Variants in GRID2 observed in about 807,000 individuals in gnomAD.
GRID2 encodes the protein glutamate ionotropic receptor delta type subunit 2, also known as glutamate receptor ionotropic, delta-2.
In GRID2, 33 loss-of-function variants were observed where a neutral mutation model predicts 114.8. That is an observed-to-expected ratio of 0.29 (90% confidence interval 0.22 to 0.38). The LOEUF is 0.38. GRID2 is among the 10% of genes least tolerant of loss of function. GRID2 has a pLI of 1.00. For synonymous variants in GRID2, 505 were observed against 449.9 expected (o/e 1.12, Z -1.55); for missense variants, 1,184 against 1,257.7 (o/e 0.94, Z 0.89).
At chr4:92,941,385 G>A (rs957748013) in intron 2 of GRID2, among the ~76,000 whole-genome samples, 2 of 152,104 alleles carry the variant, frequency 1.3e-5, no homozygotes, top group Non-Finnish European at 1.5e-5. Context: ...TCTGATGGTA[G>A]TCTGTATTTC....
chr4:92,392,474 G>A (rs1207692527), intron 1 of GRID2, among the ~76,000 whole-genome samples: 2 of 152,036 alleles, frequency 1.3e-5, no homozygotes, highest in Non-Finnish European at 1.5e-5. Flanking sequence ...GGGAGGCGGA[G>A]ATTGCAATGA....
chr4:93,204,473 A>G (rs1431847448), intron 4 of GRID2, among the ~76,000 whole-genome samples: 1 of 152,182 alleles, frequency 6.6e-6, no homozygotes, highest in African/African-American at 2.4e-5. Flanking sequence ...CTGCTAAAAT[A>G]TCTTAGATGT....
intron 2 of GRID2, among the ~76,000 whole-genome samples, chr4:92,870,624 A>G (rs17260828): frequency 0.1 from 15,329 of 152,214 alleles, 848 homozygotes; most frequent in Middle Eastern, 0.21. Flanking sequence ...GAATTATTTT[A>G]AAAAGCATTA....
At chr4:92,305,700 C>T (rs1164079697) in intron 1 of GRID2, among the ~76,000 whole-genome samples, 10 of 152,100 alleles carry the variant, frequency 6.6e-5, no homozygotes, top group Non-Finnish European at 1.3e-4. Context: ...CGAGCAGGGG[C>T]GGGCGGGGGG....
intron 1 of GRID2, among the ~76,000 whole-genome samples, chr4:92,505,602 G>A (rs1232881234): frequency 6.6e-6 from 1 of 151,920 alleles, no homozygotes; most frequent in African/African-American, 2.4e-5. Context: ...AAAACAGTAT[G>A]TTAGGGGAGT....
chr4:92,470,670 A>G (rs1721989662), intron 1 of GRID2, among the ~76,000 whole-genome samples: 1 of 152,020 alleles, frequency 6.6e-6, no homozygotes, highest in East Asian at 1.9e-4. Flanking sequence ...CAGGAAAAGG[A>G]GCTCTAAGCA....
intron 2 of GRID2, among the ~76,000 whole-genome samples, chr4:93,072,389 A>G (rs939323735): frequency 6.6e-6 from 1 of 152,162 alleles, no homozygotes; most frequent in Non-Finnish European, 1.5e-5. Flanking sequence ...AGTGTGAACT[A>G]CTGTATTTAT....
intron 2 of GRID2, among the ~76,000 whole-genome samples, chr4:92,907,759 C>G (rs1386011401): frequency 6.6e-6 from 1 of 151,934 alleles, no homozygotes; most frequent in Non-Finnish European, 1.5e-5. Context: ...CACGGTGGCT[C>G]ATACCTGTAA....
intron 1 of GRID2, among the ~76,000 whole-genome samples, chr4:92,313,606 C>T (rs974712717): frequency 1.3e-5 from 2 of 151,650 alleles, no homozygotes; most frequent in Non-Finnish European, 2.9e-5. Context: ...AGGAGAGCAG[C>T]GGATGCAGGA....
At chr4:92,584,349 C>T (rs147215349) in intron 1 of GRID2, among the ~76,000 whole-genome samples, 9 of 151,954 alleles carry the variant, frequency 5.9e-5, no homozygotes, top group Middle Eastern at 3.4e-3. Context: ...GTGCAACTAA[C>T]GTGTATGCAA....
chr4:93,614,842 A>G (rs1213359778), intron 13 of GRID2, among the ~76,000 whole-genome samples: 1 of 152,368 alleles, frequency 6.6e-6, no homozygotes, highest in African/African-American at 2.4e-5. Context: ...CTAATTTAAC[A>G]GATATTAACT....
At chr4:93,006,479 A>G (rs1279480937) in intron 2 of GRID2, among the ~76,000 whole-genome samples, 1 of 152,078 alleles carries the variant, frequency 6.6e-6, no homozygotes, top group Non-Finnish European at 1.5e-5. Flanking sequence ...TAAATATAAC[A>G]GTCTTGGGAA....
chr4:93,181,377 G>A (rs1308740077), intron 4 of GRID2, among the ~76,000 whole-genome samples: 4 of 152,126 alleles, frequency 2.6e-5, no homozygotes, highest in African/African-American at 9.7e-5. Context: ...AGTGCAGGTA[G>A]AATACATTTA....
chr4:92,378,194 G>A (rs371632619), intron 1 of GRID2, among the ~76,000 whole-genome samples: 1 of 151,520 alleles, frequency 6.6e-6, no homozygotes, highest in Non-Finnish European at 1.5e-5. Context: ...AAATTTAAGG[G>A]GATTTTAAGT....
chr4:93,322,038 CTTTT>C (rs1292434685), intron 8 of GRID2, among the ~76,000 whole-genome samples: 1 of 149,686 alleles, frequency 6.7e-6, no homozygotes, highest in African/African-American at 2.5e-5. Flanking sequence ...TTTCTTATTT[CTTTT>C]TTTTTCTTTT....
intron 4 of GRID2, among the ~76,000 whole-genome samples, chr4:93,163,380 A>ACAC (rs1210646855): frequency 9.3e-5 from 4 of 43,016 alleles, no homozygotes; most frequent in Admixed American, 4.2e-4. Flanking sequence ...ATATATATAT[A>ACAC]TATATATATA....
At chr4:92,687,028 G>A (rs1733939115) in intron 2 of GRID2, among the ~76,000 whole-genome samples, 1 of 152,040 alleles carries the variant, frequency 6.6e-6, no homozygotes, top group African/African-American at 2.4e-5. Context: ...TTTATTTCAT[G>A]TAAGGCTGAT....
chr4:93,618,045 A>G (rs922055908), intron 13 of GRID2, among the ~76,000 whole-genome samples: 1 of 152,174 alleles, frequency 6.6e-6, no homozygotes, highest in African/African-American at 2.4e-5. Context: ...AAGTTTACTC[A>G]TGACATGGGG....
chr4:92,429,509 C>T (rs959289566), intron 1 of GRID2, among the ~76,000 whole-genome samples: 1 of 152,122 alleles, frequency 6.6e-6, no homozygotes, highest in Non-Finnish European at 1.5e-5. Context: ...TGATGAAGAG[C>T]TTAGGTTGCT....
Sources: gnomAD v4.1 joint callset for allele counts (sites outside exome capture counted in the v4.1 genomes callset) on GRCh38, gnomAD v4.1.1 for gene constraint, MANE v1.5 for transcripts, NCBI Gene and HGNC (gene_info 2026-07-23, HGNC 2026-07-21) for gene names.